The following IQCH variants were observed in gnomAD, a reference collection of about 807,000 sequenced individuals.
IQCH encodes the protein IQ domain-containing protein H.
IQCH carries 98 observed loss-of-function variants against 117.0 expected under a neutral mutation model. The observed-to-expected ratio is 0.84, with a 90% CI of 0.71 to 0.99. IQCH has a LOEUF of 0.99. Ranked by LOEUF, IQCH falls within the 50% of genes least tolerant of loss-of-function variation. The pLI is 0.00. For synonymous variants in IQCH, 412 were observed against 448.2 expected, an observed-to-expected ratio of 0.92 and a Z score of 1.02; for missense variants, 1,102 against 1,243.8, an observed-to-expected ratio of 0.89 and a Z score of 1.72.
intron 4 of IQCH, among the ~76,000 whole-genome samples, chr15:67,320,673 A>G (rs1422543879): frequency 1.3e-5 from 2 of 152,148 alleles, no homozygotes; most frequent in African/African-American, 4.8e-5. Flanking sequence ...TCAAGTTATC[A>G]TTTGTCTTTT....
intron 18 of IQCH, 60 bp from the exon 19 acceptor site, chr15:67,489,943 T>C: frequency 8.5e-7 from 1 of 1,170,040 alleles, no homozygotes; most frequent in Non-Finnish European, 1.3e-6. Flanking sequence ...CAGTAACATT[T>C]TCTGTACTTT....
chr15:67,495,892 AC>A (rs1474737568), intron 20 of IQCH, among the ~76,000 whole-genome samples: 1 of 152,234 alleles, frequency 6.6e-6, no homozygotes, highest in Non-Finnish European at 1.5e-5. Flanking sequence ...AGGTACAATA[AC>A]AAAAACTTGA....
At chr15:67,455,827 T>C (rs569561205) in intron 16 of IQCH, among the ~76,000 whole-genome samples, 1 of 152,236 alleles carries the variant, frequency 6.6e-6, no homozygotes, top group Non-Finnish European at 1.5e-5. Context: ...ATCTACAGTA[T>C]GGGATTACTA....
rs867397774 is a variant in IQCH at position 67,372,379 on chromosome 15, AC to A, written c.1024del (p.Leu342PhefsTer5). The A allele has an allele frequency of 6.2e-7, 1 of 1,614,014 alleles. No individual in the cohort carries two copies. Among genetic ancestry groups the A allele is most frequent in the African/African-American group, 1.3e-5 (1 of 74,912 alleles). On this transcript the variant is annotated frameshift_variant, in exon 9 of 21. Coordinates refer to ENST00000335894, the MANE Select transcript of IQCH (RefSeq NM_001031715.3). LOFTEE classifies it high-confidence loss of function. ...FELTNKLTRYDLLSVLEDPAH... is the reference protein window; with the variant it reads ...FELTNKLTRYXLLSVLEDPAH... Reference sequence around the variant, plus strand: ...CTGACGAATAAACTTACCAGATATGACCTTCTCTCAGTGTTAGAGGACCCAG... The same window carrying A: ...CTGACGAATAAACTTACCAGATATGACTTCTCTCAGTGTTAGAGGACCCAG...
At chr15:67,327,040 T>C (rs2140624354) in intron 4 of IQCH, among the ~76,000 whole-genome samples, 1 of 152,362 alleles carries the variant, frequency 6.6e-6, no homozygotes, top group African/African-American at 2.4e-5. Flanking sequence ...AAATTCTTAA[T>C]CTAGAATATC....
At chr15:67,274,983 G>A (rs1966063418) in intron 3 of IQCH, among the ~76,000 whole-genome samples, 2 of 152,264 alleles carry the variant, frequency 1.3e-5, no homozygotes, top group Admixed American at 1.3e-4. Context: ...TGGGTCAGCT[G>A]GCCAAGGGTT....
At position 67,356,896 on chromosome 15, in the gene IQCH, T is replaced by C. The variant is rs1969908770; in HGVS notation, c.638-449T>C. On this transcript the variant is annotated intron_variant, in intron 6 of 20. Coordinates refer to ENST00000335894, the MANE Select transcript of IQCH (RefSeq NM_001031715.3). This position sits in a 1 kb window ranked among gnomAD's most constrained non-coding sequence, Gnocchi z 5.3. ...TATGGTGCTTTTCACTTGTGTCACTTCCCTCAGTCATTTAAATTTTTTAGA... is the reference window on the plus strand; with the variant it reads ...TATGGTGCTTTTCACTTGTGTCACTCCCCTCAGTCATTTAAATTTTTTAGA... Among the ~76,000 whole-genome samples the C allele has an allele frequency of 1.3e-5, 2 of 152,218 alleles. No individual in the cohort carries two copies. Among genetic ancestry groups the C allele is most frequent in the South Asian group, 4.1e-4 (2 of 4,826 alleles).
chr15:67,357,285 C>T (rs1316351654), intron 6 of IQCH, 60 bp from the exon 7 acceptor site: 7 of 1,147,164 alleles, frequency 6.1e-6, no homozygotes, highest in Non-Finnish European at 8.0e-6. Context: ...CCAATAGCAT[C>T]CAACCAGTGA....
At chr15:67,284,766 T>C (rs913671657) in intron 4 of IQCH, among the ~76,000 whole-genome samples, 1 of 152,206 alleles carries the variant, frequency 6.6e-6, no homozygotes. Context: ...GCTCCATTCA[T>C]GTCCCTGCAA....
rs1409812229 is a variant in IQCH, at chr15:67,431,647, A to C, written c.2505+10070A>C. Reference sequence around the variant, plus strand: ...CCCCGAACTTAAAAGTTAAAAAAAAACACACATTGTTCTTTATATTTCACA... The same window carrying C: ...CCCCGAACTTAAAAGTTAAAAAAAACCACACATTGTTCTTTATATTTCACA... On this transcript the variant is annotated intron_variant, in intron 16 of 20. Coordinates refer to ENST00000335894, the MANE Select transcript of IQCH (RefSeq NM_001031715.3). This position sits in a 1 kb window ranked among gnomAD's most constrained non-coding sequence, Gnocchi z 4.8. Among the ~76,000 whole-genome samples the C allele has an allele frequency of 2.6e-5, 4 of 152,166 alleles. No individual in the cohort carries two copies. Among genetic ancestry groups the C allele is most frequent in the African/African-American group, 4.8e-5 (2 of 41,450 alleles).
intron 4 of IQCH, among the ~76,000 whole-genome samples, chr15:67,325,162 A>G (rs1301335755): frequency 1.3e-5 from 2 of 151,910 alleles, no homozygotes; most frequent in Non-Finnish European, 2.9e-5. Context: ...CAAGTTCCCT[A>G]CCCTTTCTTC....
At position 67,497,733 on chromosome 15, in the gene IQCH, G is replaced by A. The variant is rs532130351; in HGVS notation, c.2971-2900G>A. Among the ~76,000 whole-genome samples, 82 of 152,120 alleles carry A rather than the reference G, an allele frequency of 5.4e-4. 1 individual carries two copies. Among genetic ancestry groups the A allele is most frequent in the Non-Finnish European group, 9.9e-4 (67 of 67,976 alleles). ...CCTCGAACTCCTGACCTCGTGATCC[G>A]CCCGCCTCGGCCTCCCAAAGTGCTG... On this transcript the variant is annotated intron_variant, in intron 20 of 20. Coordinates refer to ENST00000335894, the MANE Select transcript of IQCH (RefSeq NM_001031715.3).
intron 13 of IQCH, among the ~76,000 whole-genome samples, chr15:67,399,111 C>T (rs4776926): frequency 0.11 from 16,631 of 152,146 alleles, 1,175 homozygotes; most frequent in East Asian, 0.2. Context: ...CTCCACCTCT[C>T]TGTGGGTTGG....
At chr15:67,371,518 C>T in intron 8 of IQCH, 2 of 1,581,798 alleles carry the variant, frequency 1.3e-6, no homozygotes, top group Non-Finnish European at 8.6e-7. Flanking sequence ...TCAAGAGAAA[C>T]CTAAGAATGA....
intron 17 of IQCH, among the ~76,000 whole-genome samples, chr15:67,469,881 G>A (rs1232775065): frequency 2.0e-5 from 3 of 152,152 alleles, no homozygotes; most frequent in South Asian, 2.1e-4. Context: ...ATTTAACCTC[G>A]GCCTGTGTTT....
In IQCH at chr15:67,411,751, T is replaced by C. The variant is rs1401346804; in HGVS notation, c.2098-5180T>C. Among the ~76,000 whole-genome samples the C allele has an allele frequency of 1.3e-5, 2 of 152,222 alleles. No individual in the cohort carries two copies. The highest frequency in any genetic ancestry group is 2.9e-5 in the Non-Finnish European group (2 of 68,038). The stretch of plus-strand genomic sequence containing the variant: ...AGTCATTGAGTGCAGTATTAAGCTT[T>C]AGTCACTAGCTTTAGTCATTGAGTG... On this transcript the variant is annotated intron_variant, in intron 14 of 20. Transcript: ENST00000335894. This position sits in a 1 kb window ranked among gnomAD's most constrained non-coding sequence, Gnocchi z 4.4.
chr15:67,432,063 C>G lies in IQCH; in HGVS notation c.2505+10486C>G, dbSNP rs2082032248. On this transcript the variant is annotated intron_variant, in intron 16 of 20. Transcript: ENST00000335894. The surrounding 1 kb of genome is among the most constrained non-coding windows in gnomAD (Gnocchi z 5.0). Reference sequence around the variant, plus strand: ...TCAAAAATAAATAAATAAATTAACTCTTATTTTAGATAATTGTGAACTTTG... The same window carrying G: ...TCAAAAATAAATAAATAAATTAACTGTTATTTTAGATAATTGTGAACTTTG... Among the ~76,000 whole-genome samples the G allele has an allele frequency of 6.6e-6, 1 of 151,966 alleles. No individual in the cohort carries two copies. Among genetic ancestry groups the G allele is most frequent in the African/African-American group, 2.4e-5 (1 of 41,368 alleles).
chr15:67,284,391 C>G (rs1236695454), intron 4 of IQCH, among the ~76,000 whole-genome samples: 1 of 152,112 alleles, frequency 6.6e-6, no homozygotes, highest in African/African-American at 2.4e-5. Flanking sequence ...TCTTTTGTGG[C>G]TGAATAGTAC....
At chr15:67,273,110 G>A (rs144569784) in intron 3 of IQCH, among the ~76,000 whole-genome samples, 44 of 151,408 alleles carry the variant, frequency 2.9e-4, no homozygotes, top group African/African-American at 9.7e-4. Flanking sequence ...TCTCTCTGTC[G>A]CCCAGGCTGG....
Sources: gnomAD v4.1 joint callset for allele counts (sites outside exome capture counted in the v4.1 genomes callset) on GRCh38, gnomAD v4.1.1 for gene constraint, Gnocchi (gnomAD v3.1) non-coding constraint, MANE v1.5 for transcripts, NCBI Gene and HGNC (gene_info 2026-07-23, HGNC 2026-07-21) for gene names.